The following CLMP variants were observed in gnomAD, a reference collection of about 807,000 sequenced individuals.
CLMP encodes CXADR like cell adhesion molecule.
CLMP carries 27 observed loss-of-function variants against 45.2 expected under a neutral mutation model. That is an observed-to-expected ratio of 0.60 (90% CI 0.44 to 0.82). The LOEUF (loss-of-function observed/expected upper bound fraction) is 0.82, where lower values mean the gene tolerates loss of function less well. CLMP is among the 40% of genes least tolerant of loss of function. CLMP has a pLI of 0.00. For missense variants in CLMP, 403 were observed against 448.4 expected (o/e 0.90, Z 0.91); for synonymous variants, 167 against 171.4 (o/e 0.97, Z 0.20).
intron 1 of CLMP, among the ~76,000 whole-genome samples, chr11:123,130,833 T>A (rs972220992): frequency 4.0e-5 from 6 of 150,794 alleles, no homozygotes; most frequent in African/African-American, 1.5e-4. Context: ...AATCGTTTTT[T>A]TCTTTTCCTT....
intron 2 of CLMP, among the ~76,000 whole-genome samples, chr11:123,094,994 G>A (rs1357892504): frequency 1.3e-5 from 2 of 152,162 alleles, no homozygotes; most frequent in African/African-American, 4.8e-5. Flanking sequence ...CAAGGACTAT[G>A]ATGTCTTCTT....
At chr11:123,131,310 GT>G (rs1206969414) in intron 1 of CLMP, among the ~76,000 whole-genome samples, 1 of 150,906 alleles carries the variant, frequency 6.6e-6, no homozygotes, top group Non-Finnish European at 1.5e-5. Context: ...ATATTTCCTG[GT>G]AGCCACAAAG....
At chr11:123,171,569 G>T (rs964528383) in intron 1 of CLMP, among the ~76,000 whole-genome samples, 1 of 151,374 alleles carries the variant, frequency 6.6e-6, no homozygotes, top group East Asian at 1.9e-4. Context: ...TCAGCCTTCC[G>T]AGTAGCTGGG....
At chr11:123,089,991 G>A (rs1865911189) in intron 2 of CLMP, among the ~76,000 whole-genome samples, 1 of 148,568 alleles carries the variant, frequency 6.7e-6, no homozygotes, top group South Asian at 2.1e-4. Flanking sequence ...CCAGCTACTC[G>A]GGAGGCTTAG....
chr11:123,158,254 TC>T (rs1409031354), intron 1 of CLMP, among the ~76,000 whole-genome samples: 1 of 152,180 alleles, frequency 6.6e-6, no homozygotes, highest in African/African-American at 2.4e-5. Context: ...TAGTCTGCCA[TC>T]CCATCAATCA....
At chr11:123,190,880 A>C (rs889110141) in intron 1 of CLMP, among the ~76,000 whole-genome samples, 1 of 152,244 alleles carries the variant, frequency 6.6e-6, no homozygotes, top group Non-Finnish European at 1.5e-5. Context: ...AATGTGTAAT[A>C]GGATCATGGA....
chr11:123,071,106 A>G lies in CLMP; in HGVS notation c.*2368T>C, dbSNP rs1865666421. 6.6e-6 allele frequency: 1 copy of G among 151,954 alleles called. No individual in the cohort carries two copies. Among genetic ancestry groups the G allele is most frequent in the South Asian group, 2.1e-4 (1 of 4,810 alleles). The allele number at this position is 151,954 out of a possible 1,614,324, so 9.4% of individuals were successfully genotyped here. A position where few individuals can be genotyped will look rare whatever the true frequency, so the allele number is the denominator to read the frequency against. ...GCTTTCATCACCACATTCAGCATCA[A>G]TTTTTTTCTTTCCTCTAACCTGCTC... On this transcript the variant is annotated 3_prime_UTR_variant, in exon 7 of 7. Coordinates refer to ENST00000448775, the MANE Select transcript of CLMP (RefSeq NM_024769.5).
At chr11:123,159,645 C>G (rs1000767500) in intron 1 of CLMP, among the ~76,000 whole-genome samples, 3 of 152,130 alleles carry the variant, frequency 2.0e-5, no homozygotes, top group Non-Finnish European at 2.9e-5. Flanking sequence ...GCAACTGACA[C>G]GTACAAGGCA....
chr11:123,097,501 C>G (rs1054859672), intron 2 of CLMP, among the ~76,000 whole-genome samples: 1 of 152,022 alleles, frequency 6.6e-6, no homozygotes, highest in Admixed American at 6.6e-5. Context: ...CCACACCCGG[C>G]TATTATTAGT....
rs1210449599 is a variant in CLMP, at chr11:123,150,619, AAGGAAAGG to A, written c.28+44286_28+44293del. 1.5e-3 allele frequency among the ~76,000 whole-genome samples: 222 copies of A among 149,174 alleles called. 1 individual carries two copies. The highest frequency in any genetic ancestry group is 6.9e-3 in the Middle Eastern group (2 of 288). On this transcript the variant is annotated intron_variant, in intron 1 of 6. Transcript: ENST00000448775. ...GAAGGAAGGAATGAAGGAAGGAAGG[AAGGAAAGG>A]AAGGAAGGAAGGAAGGTAGGTGTGG... is the stretch of plus-strand genomic sequence containing the variant.
intron 1 of CLMP, among the ~76,000 whole-genome samples, chr11:123,125,664 C>T (rs1331833748): frequency 6.6e-6 from 1 of 150,448 alleles, no homozygotes; most frequent in African/African-American, 2.5e-5. Flanking sequence ...AGTGCAGTGG[C>T]ACGATCTCAG....
intron 1 of CLMP, among the ~76,000 whole-genome samples, chr11:123,119,055 CT>C (rs1323562541): frequency 1.8e-4 from 3 of 16,498 alleles, no homozygotes; most frequent in South Asian, 1.2e-3. Flanking sequence ...CCCTCTCCCT[CT>C]CTCTCTCTCT....
chr11:123,158,451 T>C (rs1861443320), intron 1 of CLMP, among the ~76,000 whole-genome samples: 1 of 152,216 alleles, frequency 6.6e-6, no homozygotes, highest in South Asian at 2.1e-4. Context: ...GAAATCAGTC[T>C]TGGGGACTCC....
intron 1 of CLMP, among the ~76,000 whole-genome samples, chr11:123,174,081 C>CA (rs1326776422): frequency 6.6e-6 from 1 of 151,850 alleles, no homozygotes; most frequent in Admixed American, 6.6e-5. Flanking sequence ...GACCCTGTTT[C>CA]AAAAAAAATT....
At chr11:123,173,088 T>C (rs1591486497) in intron 1 of CLMP, among the ~76,000 whole-genome samples, 1 of 152,216 alleles carries the variant, frequency 6.6e-6, no homozygotes, top group Non-Finnish European at 1.5e-5. Context: ...AAGGTTAACA[T>C]CCTCTTTTCC....
At chr11:123,111,605 A>G (rs11602354) in intron 1 of CLMP, among the ~76,000 whole-genome samples, 1 of 152,174 alleles carries the variant, frequency 6.6e-6, no homozygotes, top group Non-Finnish European at 1.5e-5. Flanking sequence ...AGGGAGGATT[A>G]GCCAGGCCTC....
intron 1 of CLMP, among the ~76,000 whole-genome samples, chr11:123,174,346 C>T (rs1861672410): frequency 6.6e-6 from 1 of 152,150 alleles, no homozygotes; most frequent in South Asian, 2.1e-4. Flanking sequence ...CTGATTGTTT[C>T]CTTCCTTCTT....
chr11:123,188,936 G>A (rs900929681), intron 1 of CLMP: 3 of 152,152 alleles, frequency 2.0e-5, no homozygotes, highest in Admixed American at 6.5e-5. Context: ...CAACATATGA[G>A]GTGAGTCATA....
At chr11:123,087,666 C>T (rs1226082180) in intron 2 of CLMP, among the ~76,000 whole-genome samples, 1 of 150,928 alleles carries the variant, frequency 6.6e-6, no homozygotes, top group African/African-American at 2.4e-5. Flanking sequence ...ACTAAAAATA[C>T]AAAAATTAGC....
Sources: allele counts gnomAD v4.1 joint callset (sites outside exome capture counted in the v4.1 genomes callset), GRCh38; gene constraint gnomAD v4.1.1; transcripts MANE v1.5; gene names NCBI Gene and HGNC (gene_info 2026-07-23, HGNC 2026-07-21).